EPC2: variants seen among roughly 807,000 people sequenced by gnomAD.
EPC2 encodes enhancer of polycomb 2.
EPC2 carries 14 observed loss-of-function variants against 92.1 expected under a neutral mutation model. That is an observed-to-expected ratio of 0.15 (90% CI 0.10 to 0.24). EPC2 has a LOEUF of 0.24. Among genes scored for constraint, EPC2 ranks in the 10% least tolerant of loss-of-function variants. EPC2 has a pLI of 1.00. For synonymous variants in EPC2, 340 were observed against 334.7 expected (o/e 1.02, Z -0.17); for missense variants, 755 against 971.5 (o/e 0.78, Z 2.96).
intron 1 of EPC2, among the ~76,000 whole-genome samples, chr2:148,658,603 GTGTGTATA>G (rs1421068955): frequency 1.4e-3 from 26 of 18,182 alleles, no homozygotes; most frequent in Non-Finnish European, 2.7e-3. Context: ...CTGTGTGTGT[GTGTGTATA>G]TATATATATA....
At chr2:148,767,809 G>T (rs1183816098) in intron 7 of EPC2, among the ~76,000 whole-genome samples, 1 of 152,174 alleles carries the variant, frequency 6.6e-6, no homozygotes, top group East Asian at 1.9e-4. Flanking sequence ...CCGGGGAATC[G>T]TAGTTAGGAG....
chr2:148,690,251 T>C lies in EPC2; in HGVS notation c.191T>C (p.Val64Ala). 1 of 1,607,642 alleles carries C rather than the reference T, an allele frequency of 6.2e-7. No individual in the cohort carries two copies. The highest frequency in any genetic ancestry group is 1.3e-5 in the African/African-American group (1 of 74,732). The part of the protein sequence containing the change: ...HLQRAISAQQ[V>A]FREKKESMVI... Reference sequence around the variant, plus strand: ...CAGCGAGCAATTTCAGCACAGCAAGTGTTTAGAGAAAAAAAAGAGAGTATG... The same window carrying C: ...CAGCGAGCAATTTCAGCACAGCAAGCGTTTAGAGAAAAAAAAGAGAGTATG... Residue 64 changes from valine (V) to alanine (A), a missense_variant, in exon 2 of 14, where the codon GTG becomes GCG. By Grantham distance (64) the Val-to-Ala change is moderately conservative (BLOSUM62 0). This residue lies in a region of EPC2 where 509 missense variants were observed against 607.7 expected (regional missense o/e 0.84). Transcript: ENST00000258484.
chr2:148,660,028 TG>T (rs895998914), intron 1 of EPC2, among the ~76,000 whole-genome samples: 70 of 152,304 alleles, frequency 4.6e-4, no homozygotes, highest in African/African-American at 1.7e-3. Context: ...TGTGTTCATT[TG>T]TAAAAAAATT....
In EPC2 at chr2:148,765,760, A is replaced by C. The variant is rs570517560; in HGVS notation, c.1140+614A>C. 2.6e-5 allele frequency among the ~76,000 whole-genome samples: 4 copies of C among 152,328 alleles called. No homozygotes were observed. The South Asian group carries it at 8.3e-4, about 32-fold the overall frequency. The stretch of plus-strand genomic sequence containing the variant: ...ACTTTATATATTAAAAGATCCGGCC[A>C]GGCGTGGTGGCTCACTCCTATAATC... On this transcript the variant is annotated intron_variant, in intron 7 of 13. Transcript: ENST00000258484.
chr2:148,745,231 T>C (rs936204532), intron 3 of EPC2, among the ~76,000 whole-genome samples: 1 of 152,052 alleles, frequency 6.6e-6, no homozygotes, highest in African/African-American at 2.4e-5. Context: ...TCTTTAGATG[T>C]AAATTTTCTT....
At chr2:148,671,704 C>G (rs1323305759) in intron 1 of EPC2, among the ~76,000 whole-genome samples, 5 of 152,156 alleles carry the variant, frequency 3.3e-5, no homozygotes, top group African/African-American at 1.2e-4. Context: ...TTCTTATTGT[C>G]TCCATTTACC....
At position 148,781,768 on chromosome 2, in the gene EPC2, T is replaced by C. The variant is rs780539500; in HGVS notation, c.1845T>C (p.His615=). The C allele has an allele frequency of 5.0e-6, 8 of 1,613,764 alleles. No homozygotes were observed. The East Asian group carries it at 1.8e-4, about 36-fold the overall frequency. The change falls in exon 11 of 14, where the codon CAT becomes CAC. Residue 615 remains histidine (H), a synonymous_variant. Coordinates refer to ENST00000258484, the MANE Select transcript of EPC2 (RefSeq NM_015630.4). The stretch of plus-strand genomic sequence containing the variant: ...CTCAGCATTCCTCGCAACAGACACA[T>C]CCAAAAGCACAGGTAAACTGCTCTT... The part of the protein sequence containing the change: ...QQSQHSSQQT[H]PKAQGSSTSD...
At chr2:148,691,636 A>G in intron 2 of EPC2, 5 of 1,548,046 alleles carry the variant, frequency 3.2e-6, no homozygotes, top group Non-Finnish European at 3.5e-6. Flanking sequence ...TGGGGACACT[A>G]CCAACCGGAG....
intron 7 of EPC2, among the ~76,000 whole-genome samples, chr2:148,767,870 C>G (rs1028988019): frequency 6.6e-6 from 1 of 152,168 alleles, no homozygotes; most frequent in Non-Finnish European, 1.5e-5. Context: ...TGTGACACTT[C>G]CTGTGTATAT....
intron 4 of EPC2, 110 bp downstream of exon 4, chr2:148,754,243 A>G: frequency 1.2e-6 from 1 of 851,874 alleles, no homozygotes; most frequent in Non-Finnish European, 1.8e-6. Context: ...AATGGCATTG[A>G]TGACTTTCTA....
chr2:148,700,549 A>G (rs966730079), intron 2 of EPC2, among the ~76,000 whole-genome samples: 25 of 141,834 alleles, frequency 1.8e-4, no homozygotes, highest in Non-Finnish European at 3.1e-4. Context: ...CAAAAACTAT[A>G]TTTGTATGGA....
At chr2:148,784,033 G>A (rs55866824) in intron 12 of EPC2, among the ~76,000 whole-genome samples, 1 of 152,194 alleles carries the variant, frequency 6.6e-6, no homozygotes, top group African/African-American at 2.4e-5. Flanking sequence ...TCACATCTTA[G>A]GAAATCTGTT....
intron 1 of EPC2, among the ~76,000 whole-genome samples, chr2:148,655,048 G>T (rs538263259): frequency 6.6e-6 from 1 of 152,182 alleles, no homozygotes; most frequent in East Asian, 1.9e-4. Context: ...ACTTTCAAAA[G>T]TATGGTATTG....
At chr2:148,708,688 A>G (rs1682063998) in intron 2 of EPC2, among the ~76,000 whole-genome samples, 1 of 152,228 alleles carries the variant, frequency 6.6e-6, no homozygotes, top group African/African-American at 2.4e-5. Context: ...GGCTGGTTCA[A>G]CATATGCAAA....
chr2:148,684,871 T>G (rs1021670746), intron 1 of EPC2, among the ~76,000 whole-genome samples: 1 of 152,234 alleles, frequency 6.6e-6, no homozygotes, highest in Non-Finnish European at 1.5e-5. Context: ...ATGCCGGAAT[T>G]TGTATCATAT....
chr2:148,717,820 A>T (rs554813120), intron 2 of EPC2, among the ~76,000 whole-genome samples: 1 of 152,284 alleles, frequency 6.6e-6, no homozygotes, highest in South Asian at 2.1e-4. Context: ...TTTCTCTATG[A>T]TCTGTCTAAT....
At chr2:148,744,995 C>CCG (rs1682954932) in intron 3 of EPC2, among the ~76,000 whole-genome samples, 1 of 118,382 alleles carries the variant, frequency 8.4e-6, no homozygotes, top group South Asian at 3.4e-4. Context: ...GTTTGCCCCC[C>CCG]CCCCCCGCAC....
intron 10 of EPC2, among the ~76,000 whole-genome samples, chr2:148,775,667 A>AAAATTAAATTTAATTTAATTAAAT (rs1250737702): frequency 2.4e-4 from 36 of 147,170 alleles, no homozygotes; most frequent in African/African-American, 8.7e-4. Context: ...AAAATTAAAT[A>AAAATTAAATTTAATTTAATTAAAT]AAATTAAATT....
chr2:148,699,611 A>G (rs1021245596), intron 2 of EPC2, among the ~76,000 whole-genome samples: 2 of 152,172 alleles, frequency 1.3e-5, no homozygotes, highest in Admixed American at 1.3e-4. Context: ...ATGTTTTATT[A>G]TATGGCTATA....
Sources: gnomAD v4.1 joint callset for allele counts (sites outside exome capture counted in the v4.1 genomes callset) on GRCh38, gnomAD v4.1.1 for gene constraint, gnomAD v4.1.1 regional missense constraint, MANE v1.5 for transcripts, NCBI Gene and HGNC (gene_info 2026-07-23, HGNC 2026-07-21) for gene names.